Variants in TFEC observed in about 807,000 individuals in gnomAD.
TFEC encodes transcription factor EC.
In TFEC, 31 loss-of-function variants were observed where a neutral mutation model predicts 41.6. That is an observed-to-expected ratio of 0.74 (90% confidence interval 0.56 to 1.01). The LOEUF (loss-of-function observed/expected upper bound fraction) is 1.01, where lower values mean the gene tolerates loss of function less well. TFEC is among the 50% of genes least tolerant of loss of function. The pLI, the probability that TFEC is intolerant of heterozygous loss-of-function variation, is 0.00. For missense variants in TFEC, 402 were observed against 404.1 expected, an observed-to-expected ratio of 0.99 and a Z score of 0.04; for synonymous variants, 143 against 140.6, an observed-to-expected ratio of 1.02 and a Z score of -0.12.
chr7:115,968,906 C>T (rs887334889), intron 3 of TFEC, among the ~76,000 whole-genome samples: 13 of 151,830 alleles, frequency 8.6e-5, no homozygotes, highest in Admixed American at 7.2e-4. Context: ...CAATAACAGT[C>T]TCTATCTCAT....
chr7:116,092,478 G>A (rs1797351385), intron 3 of TFEC, among the ~76,000 whole-genome samples: 1 of 152,092 alleles, frequency 6.6e-6, no homozygotes, highest in South Asian at 2.1e-4. Flanking sequence ...GGCAAAATAA[G>A]TATAATCAGA....
chr7:116,031,878 T>G (rs1025043449), upstream of TFEC, among the ~76,000 whole-genome samples: 2 of 152,086 alleles, frequency 1.3e-5, no homozygotes, highest in Non-Finnish European at 2.9e-5. Flanking sequence ...TGAATGGAAA[T>G]AGTAAATAAT....
chr7:116,071,922 C>T (rs147842841), intron 3 of TFEC, among the ~76,000 whole-genome samples: 1 of 151,398 alleles, frequency 6.6e-6, no homozygotes, highest in African/African-American at 2.4e-5. Context: ...AGTAGTATTA[C>T]TTAAATTAGA....
intron 3 of TFEC, among the ~76,000 whole-genome samples, chr7:116,055,671 G>A (rs1335178465): frequency 6.6e-6 from 1 of 151,842 alleles, no homozygotes; most frequent in East Asian, 1.9e-4. Flanking sequence ...ATATTTCAAA[G>A]TAATTTTATA....
intron 1 of TFEC, among the ~76,000 whole-genome samples, chr7:115,988,340 G>A (rs1315918160): frequency 6.6e-6 from 1 of 151,992 alleles, no homozygotes; most frequent in Non-Finnish European, 1.5e-5. Context: ...TGCAAGAGCA[G>A]ATGGGCAATG....
At chr7:116,089,101 T>C (rs912558121) in intron 3 of TFEC, among the ~76,000 whole-genome samples, 1 of 152,148 alleles carries the variant, frequency 6.6e-6, no homozygotes, top group African/African-American at 2.4e-5. Flanking sequence ...ATGTACTTGT[T>C]TAAATCTATA....
intron 3 of TFEC, among the ~76,000 whole-genome samples, chr7:116,045,787 C>G (rs1243741960): frequency 1.3e-5 from 2 of 152,198 alleles, no homozygotes; most frequent in Admixed American, 1.3e-4. Flanking sequence ...TGCAGACACT[C>G]AATGCCAGCC....
intron 3 of TFEC, among the ~76,000 whole-genome samples, chr7:116,051,229 T>C (rs984730615): frequency 1.3e-5 from 2 of 152,222 alleles, no homozygotes; most frequent in African/African-American, 4.8e-5. Context: ...CACACCAACA[T>C]GGCACATGTA....
intron 3 of TFEC, among the ~76,000 whole-genome samples, chr7:116,057,851 G>A (rs1311106331): frequency 6.6e-6 from 1 of 151,676 alleles, no homozygotes; most frequent in Admixed American, 6.6e-5. Flanking sequence ...GAACCCTAAA[G>A]CAACCATTGA....
rs1796835370 is a variant in TFEC at position 116,071,771 on chromosome 7, T to A, written c.198+38937A>T. ...CCTGTTCTGATATAAATATCTGCCTTCATTAGAATGCCTCCCTGCCTGTGA... is the reference window on the plus strand; with the variant it reads ...CCTGTTCTGATATAAATATCTGCCTACATTAGAATGCCTCCCTGCCTGTGA... On this transcript the variant is annotated intron_variant, in intron 3 of 8. Transcript: ENST00000484212. 5.3e-5 allele frequency among the ~76,000 whole-genome samples: 8 copies of A among 151,572 alleles called. No individual in the cohort carries two copies. In the South Asian group the frequency reaches 1.7e-3, roughly 31 times the overall value.
At chr7:116,107,906 C>CA (rs1274136930) in intron 3 of TFEC, among the ~76,000 whole-genome samples, 2 of 152,128 alleles carry the variant, frequency 1.3e-5, no homozygotes, top group Non-Finnish European at 2.9e-5. Context: ...AATTAGAATA[C>CA]TATATGTAAA....
intron 3 of TFEC, among the ~76,000 whole-genome samples, chr7:116,069,211 A>G (rs1796767881): frequency 6.6e-6 from 1 of 151,606 alleles, no homozygotes; most frequent in Non-Finnish European, 1.5e-5. Flanking sequence ...GGCAAAATTG[A>G]TTAGAAGAAT....
rs564912958 is a variant in TFEC at position 115,956,182 on chromosome 7, G to C, written c.382+497C>G. ...TTAAAATAAACTATTGAAAACTCAGGGTTTATTTTCAATTAAGAAAATTAA... is the reference window on the plus strand; with the variant it reads ...TTAAAATAAACTATTGAAAACTCAGCGTTTATTTTCAATTAAGAAAATTAA... On this transcript the variant is annotated intron_variant, in intron 4 of 7. Transcript: ENST00000265440. Among the ~76,000 whole-genome samples the C allele has an allele frequency of 2.0e-5, 3 of 151,402 alleles. No individual in the cohort carries two copies. In the South Asian group the frequency reaches 6.2e-4, roughly 32 times the overall value.
intron 3 of TFEC, among the ~76,000 whole-genome samples, chr7:115,957,900 TTC>T (rs542500201): frequency 4.7e-4 from 72 of 152,002 alleles, no homozygotes; most frequent in Admixed American, 3.6e-3. Flanking sequence ...CAAAATTAGT[TTC>T]TGAGATAATA....
At chr7:116,132,948 CTT>C (rs1391386809) in intron 1 of TFEC, among the ~76,000 whole-genome samples, 1 of 152,152 alleles carries the variant, frequency 6.6e-6, no homozygotes, top group East Asian at 1.9e-4. Flanking sequence ...TATCTGTCCT[CTT>C]TTCAATACAT....
chr7:115,947,211 A>G (rs1791637516), intron 6 of TFEC, among the ~76,000 whole-genome samples: 1 of 151,058 alleles, frequency 6.6e-6, no homozygotes, highest in South Asian at 2.2e-4. Flanking sequence ...GAGAATGATG[A>G]TTTCCAATTT....
intron 3 of TFEC, among the ~76,000 whole-genome samples, chr7:116,087,704 C>A (rs1227646785): frequency 1.3e-5 from 2 of 151,900 alleles, no homozygotes; most frequent in African/African-American, 4.8e-5. Context: ...TCTTTGAGAA[C>A]AATTTAAATT....
chr7:116,058,249 T>C (rs911461621), intron 3 of TFEC, among the ~76,000 whole-genome samples: 1 of 151,730 alleles, frequency 6.6e-6, no homozygotes, highest in Non-Finnish European at 1.5e-5. Context: ...TCGTACCAAT[T>C]AAAGTAGATT....
At chr7:116,039,830 T>A (rs1400109225) in intron 3 of TFEC, among the ~76,000 whole-genome samples, 1 of 152,108 alleles carries the variant, frequency 6.6e-6, no homozygotes, top group African/African-American at 2.4e-5. Context: ...TTAAAAAAAG[T>A]CCTTCAATAC....
Sources: allele counts gnomAD v4.1 joint callset (sites outside exome capture counted in the v4.1 genomes callset), GRCh38; gene constraint gnomAD v4.1.1; transcripts MANE v1.5; gene names NCBI Gene and HGNC (gene_info 2026-07-23, HGNC 2026-07-21).